PCSK2: variants seen among roughly 807,000 people sequenced by gnomAD.
The protein encoded by PCSK2 is neuroendocrine convertase 2.
A neutral mutation model predicts 69.7 loss-of-function variants in PCSK2; 14 were observed. That is an observed-to-expected ratio of 0.20 (90% CI 0.13 to 0.31). The LOEUF (loss-of-function observed/expected upper bound fraction) is 0.31. Ranked by LOEUF, PCSK2 falls within the 10% of genes least tolerant of loss-of-function variation. The pLI is 1.00. For synonymous variants in PCSK2, 307 were observed against 320.7 expected (o/e 0.96, Z 0.46); for missense variants, 544 against 842.5 (o/e 0.65, Z 4.39).
At chr20:17,290,990 C>T (rs1434061095) in intron 2 of PCSK2, among the ~76,000 whole-genome samples, 2 of 152,088 alleles carry the variant, frequency 1.3e-5, no homozygotes, top group African/African-American at 4.8e-5. Context: ...GAAGGCTCCA[C>T]CCTCATGACC....
intron 2 of PCSK2, among the ~76,000 whole-genome samples, chr20:17,335,463 TC>T (rs1990323624): frequency 5.1e-5 from 1 of 19,664 alleles, no homozygotes; most frequent in Non-Finnish European, 1.5e-4. Flanking sequence ...GTGTGTGTGT[TC>T]CTTGTCTAGT....
chr20:17,292,894 A>G (rs1206194872), intron 2 of PCSK2, among the ~76,000 whole-genome samples: 1 of 151,926 alleles, frequency 6.6e-6, no homozygotes, highest in Non-Finnish European at 1.5e-5. Flanking sequence ...GTGCTATCTC[A>G]GCTCACTGCA....
intron 9 of PCSK2, among the ~76,000 whole-genome samples, chr20:17,455,086 G>A (rs1450797302): frequency 6.6e-6 from 1 of 152,008 alleles, no homozygotes; most frequent in Non-Finnish European, 1.5e-5. Flanking sequence ...GACAGGGACA[G>A]GTGAGGTGAC....
chr20:17,467,923 TTGTC>T lies in PCSK2; in HGVS notation c.1430+2373_1430+2376del, dbSNP rs371602100. 2.0e-3 allele frequency among the ~76,000 whole-genome samples: 312 copies of T among 152,340 alleles called. 2 individuals are homozygous for T. The highest frequency in any genetic ancestry group is 7.2e-3 in the African/African-American group (298 of 41,568). On this transcript the variant is annotated intron_variant, in intron 11 of 11. Coordinates refer to ENST00000262545, the MANE Select transcript of PCSK2 (RefSeq NM_002594.5). ...TCTCCTAGAGTTTTTGGTGAAATAA[TTGTC>T]TGATTTTTATGCAAATTCCAAATCA... is the stretch of plus-strand genomic sequence containing the variant.
intron 2 of PCSK2, among the ~76,000 whole-genome samples, chr20:17,329,790 C>T (rs760400917): frequency 1.1e-3 from 170 of 152,232 alleles, no homozygotes; most frequent in African/African-American, 3.1e-3. Flanking sequence ...TAATCTGTTA[C>T]GTAAATATAT....
At chr20:17,335,063 TAC>T (rs975544101) in intron 2 of PCSK2, among the ~76,000 whole-genome samples, 12 of 152,218 alleles carry the variant, frequency 7.9e-5, no homozygotes, top group African/African-American at 2.9e-4. Flanking sequence ...TGTAGCAAAT[TAC>T]CCCAGAGCCT....
intron 6 of PCSK2, among the ~76,000 whole-genome samples, chr20:17,422,049 A>C (rs1276890331): frequency 2.0e-5 from 3 of 152,184 alleles, no homozygotes; most frequent in Non-Finnish European, 2.9e-5. Flanking sequence ...TTTTAAAGAA[A>C]ACTAAATGAT....
intron 6 of PCSK2, among the ~76,000 whole-genome samples, chr20:17,426,572 A>G (rs2032253368): frequency 6.6e-6 from 1 of 152,248 alleles, no homozygotes; most frequent in Non-Finnish European, 1.5e-5. Flanking sequence ...ATTATAAGGA[A>G]TTGGCTCACC....
chr20:17,370,206 T>G (rs1284392545), intron 5 of PCSK2, among the ~76,000 whole-genome samples: 2 of 152,154 alleles, frequency 1.3e-5, no homozygotes, highest in Admixed American at 1.3e-4. Flanking sequence ...GTGTAAAAAA[T>G]GTTGTCTTAG....
intron 6 of PCSK2, among the ~76,000 whole-genome samples, chr20:17,419,207 T>C (rs1200728104): frequency 6.6e-6 from 1 of 152,342 alleles, no homozygotes; most frequent in Non-Finnish European, 1.5e-5. Context: ...TTCATACATA[T>C]GCAGAACTGC....
chr20:17,296,223 G>A (rs751319953), intron 2 of PCSK2, among the ~76,000 whole-genome samples: 10 of 152,156 alleles, frequency 6.6e-5, no homozygotes, highest in Non-Finnish European at 1.5e-4. Context: ...AGTGCCAAGG[G>A]CCTCTGAGCA....
intron 2 of PCSK2, among the ~76,000 whole-genome samples, chr20:17,260,731 G>A (rs953844600): frequency 2.0e-5 from 3 of 152,184 alleles, no homozygotes; most frequent in African/African-American, 4.8e-5. Context: ...ATGCTCAGAG[G>A]AGGTTGCCAT....
rs1375624453 is a variant in PCSK2 at position 17,303,462 on chromosome 20, TA to T, written c.282+43120del. On this transcript the variant is annotated intron_variant, in intron 2 of 11. Coordinates refer to ENST00000262545, the MANE Select transcript of PCSK2 (RefSeq NM_002594.5). Reference sequence around the variant, plus strand: ...AATATAATATATATTATATTAAATATAATATATATTATATATAATATATATT... The same window carrying T: ...AATATAATATATATTATATTAAATATATATATATTATATATAATATATATT... Among the ~76,000 whole-genome samples, 161 of 62,650 alleles carry T rather than the reference TA, an allele frequency of 2.6e-3. 1 individual carries two copies. The highest frequency in any genetic ancestry group is 3.7e-3 in the Admixed American group (17 of 4,580). The allele number at this position is 62,650 out of a possible 152,430, so 41.1% of individuals were successfully genotyped here. A position where few individuals can be genotyped will look rare whatever the true frequency, so the allele number is the denominator to read the frequency against.
chr20:17,350,335 A>G (rs915264129), intron 2 of PCSK2, among the ~76,000 whole-genome samples: 2 of 151,144 alleles, frequency 1.3e-5, no homozygotes, highest in Admixed American at 1.3e-4. Flanking sequence ...AGATTAATAA[A>G]CCAGTATTTT....
chr20:17,335,921 T>C (rs1990338823), intron 2 of PCSK2, among the ~76,000 whole-genome samples: 2 of 150,636 alleles, frequency 1.3e-5, no homozygotes, highest in Admixed American at 6.6e-5. Context: ...CACACATTGA[T>C]TGATGGGCAT....
chr20:17,329,555 G>A (rs949754158), intron 2 of PCSK2, among the ~76,000 whole-genome samples: 9 of 152,238 alleles, frequency 5.9e-5, no homozygotes, highest in Admixed American at 3.3e-4. Flanking sequence ...CTTATTACAC[G>A]TATTGAAGTG....
chr20:17,301,938 A>G (rs1989097870), intron 2 of PCSK2, among the ~76,000 whole-genome samples: 1 of 151,870 alleles, frequency 6.6e-6, no homozygotes, highest in South Asian at 2.1e-4. Context: ...TCAAATATAT[A>G]TATATATTAT....
chr20:17,311,730 C>A (rs1989518013), intron 2 of PCSK2, among the ~76,000 whole-genome samples: 1 of 152,162 alleles, frequency 6.6e-6, no homozygotes, highest in Admixed American at 6.5e-5. Flanking sequence ...CCATAGATGA[C>A]CCTACAAGGA....
chr20:17,237,900 T>G (rs999541195), intron 1 of PCSK2, among the ~76,000 whole-genome samples: 10 of 152,086 alleles, frequency 6.6e-5, no homozygotes, highest in Non-Finnish European at 1.5e-4. Flanking sequence ...GTGAGGAAGT[T>G]GGGGTATTTA....
Sources: gnomAD v4.1 joint callset for allele counts (sites outside exome capture counted in the v4.1 genomes callset) on GRCh38, gnomAD v4.1.1 for gene constraint, MANE v1.5 for transcripts, NCBI Gene and HGNC (gene_info 2026-07-23, HGNC 2026-07-21) for gene names.